The following ADH1C variants were observed in gnomAD, a reference collection of about 807,000 sequenced individuals.
ADH1C encodes the protein alcohol dehydrogenase 1C (class I), gamma polypeptide, also known as alcohol dehydrogenase 1C.
In ADH1C, 26 loss-of-function variants were observed where a neutral mutation model predicts 35.0. The observed-to-expected ratio is 0.74, with a 90% CI of 0.54 to 1.03. ADH1C has a LOEUF of 1.03. ADH1C is among the 50% of genes least tolerant of loss of function. The pLI is 0.00. For missense variants in ADH1C, 413 were observed against 465.4 expected, an observed-to-expected ratio of 0.89 and a Z score of 1.04; for synonymous variants, 170 against 169.3, an observed-to-expected ratio of 1.00 and a Z score of -0.03.
At chr4:99,338,393 TTC>T (rs761738978) in intron 8 of ADH1C, among the ~76,000 whole-genome samples, 20,134 of 72,894 alleles carry the variant, frequency 0.28, 4,654 homozygotes, top group African/African-American at 0.4. Flanking sequence ...GAATACTGTT[TTC>T]TATATATATA....
At chr4:99,348,953 C>T (rs1477986442) in intron 1 of ADH1C, among the ~76,000 whole-genome samples, 23 of 144,180 alleles carry the variant, frequency 1.6e-4, no homozygotes, top group African/African-American at 3.6e-4. Context: ...TCATGTCCTT[C>T]GCCCACTTTT....
intron 8 of ADH1C, among the ~76,000 whole-genome samples, chr4:99,337,364 T>TAGTTCTG (rs1443272484): frequency 1.4e-4 from 21 of 152,144 alleles, no homozygotes; most frequent in African/African-American, 5.1e-4. Context: ...GATAATTTAA[T>TAGTTCTG]AAAGTTAGGA....
chr4:99,338,187 GC>G (rs1397292458), intron 8 of ADH1C, among the ~76,000 whole-genome samples: 1 of 150,736 alleles, frequency 6.6e-6, no homozygotes, highest in African/African-American at 2.4e-5. Flanking sequence ...TTTATTCTTT[GC>G]TTATTGATAA....
At chr4:99,348,987 T>G (rs1734609022) in intron 1 of ADH1C, among the ~76,000 whole-genome samples, 3 of 144,472 alleles carry the variant, frequency 2.1e-5, no homozygotes, top group South Asian at 2.3e-4. Context: ...TGTTTTTTTC[T>G]TGTAAATTTG....
In ADH1C at chr4:99,343,063, T is replaced by G; in HGVS notation, c.568-8A>C. On this transcript the variant is annotated splice_region_variant and splice_polypyrimidine_tract_variant and intron_variant, in intron 5 of 8. Transcript: ENST00000515683. ...GGTAGACCCTGGGGTGACCTATGTT[T>G]TCAGAAAATGCAAAAATGAATTAAA... 6.2e-7 allele frequency: 1 copy of G among 1,606,118 alleles called. No individual in the cohort carries two copies. The highest frequency in any genetic ancestry group is 8.5e-7 in the Non-Finnish European group (1 of 1,176,872).
intron 7 of ADH1C, 41 bp from the exon 8 acceptor site, chr4:99,339,756 A>G: frequency 6.4e-7 from 1 of 1,560,600 alleles, no homozygotes; most frequent in Non-Finnish European, 8.7e-7. Flanking sequence ...CAACCAGGGT[A>G]AGTAGGAGAA....
intron 1 of ADH1C, 36 bp downstream of exon 1, chr4:99,352,622 G>C (rs982236585): frequency 6.5e-7 from 1 of 1,541,402 alleles, no homozygotes; most frequent in East Asian, 2.3e-5. Flanking sequence ...ATATTGAAGA[G>C]AATATATTAT....
At chr4:99,347,936 A>G (rs1240077062) in intron 1 of ADH1C, 90 bp from the exon 2 acceptor site, 4 of 1,439,462 alleles carry the variant, frequency 2.8e-6, no homozygotes, top group African/African-American at 2.8e-5. Context: ...TGCAACATTG[A>G]GTCCCATGTC....
chr4:99,346,132 G>T (rs1192309130), intron 3 of ADH1C, among the ~76,000 whole-genome samples: 2 of 151,982 alleles, frequency 1.3e-5, no homozygotes, highest in African/African-American at 2.4e-5. Flanking sequence ...CGAATCCATT[G>T]GCTAAAGTGA....
chr4:99,349,361 C>T (rs1734618328), intron 1 of ADH1C, among the ~76,000 whole-genome samples: 1 of 151,940 alleles, frequency 6.6e-6, no homozygotes, highest in Non-Finnish European at 1.5e-5. Context: ...GCCAGTTTTC[C>T]CAGCACCATT....
intron 3 of ADH1C, 109 bp downstream of exon 3, chr4:99,346,897 G>T (rs148796137): frequency 2.0e-6 from 3 of 1,518,592 alleles, no homozygotes; most frequent in Non-Finnish European, 2.6e-6. Flanking sequence ...CAGCTTCCCT[G>T]TGACCTTGTG....
intron 1 of ADH1C, among the ~76,000 whole-genome samples, chr4:99,350,415 C>T (rs1248040836): frequency 6.6e-6 from 1 of 152,164 alleles, no homozygotes; most frequent in African/African-American, 2.4e-5. Flanking sequence ...TTATCCCTAA[C>T]CAAAGTCCTC....
chr4:99,345,336 C>A, intron 3 of ADH1C, 70 bp from the exon 4 acceptor site: 2 of 1,404,382 alleles, frequency 1.4e-6, no homozygotes, highest in Non-Finnish European at 2.0e-6. Context: ...ACTTAACGCT[C>A]ACATGTATAG....
At chr4:99,341,901 C>A (rs1475124905) in intron 6 of ADH1C, among the ~76,000 whole-genome samples, 2 of 151,862 alleles carry the variant, frequency 1.3e-5, no homozygotes, top group Non-Finnish European at 2.9e-5. Context: ...GTACTCAGCA[C>A]TTTCGGAGGC....
At chr4:99,344,499 C>G (rs1185478460) in intron 5 of ADH1C, among the ~76,000 whole-genome samples, 1 of 152,168 alleles carries the variant, frequency 6.6e-6, no homozygotes, top group Non-Finnish European at 1.5e-5. Flanking sequence ...ATTTCATTTA[C>G]TTTTGCTGTC....
intron 2 of ADH1C, 91 bp from the exon 3 acceptor site, chr4:99,347,235 A>G (rs1014891087): frequency 7.8e-5 from 115 of 1,476,416 alleles, no homozygotes; most frequent in Non-Finnish European, 9.9e-5. Context: ...TTGTTATTCA[A>G]AAATATTCTC....
At chr4:99,350,014 C>T (rs572668704) in intron 1 of ADH1C, among the ~76,000 whole-genome samples, 3 of 152,256 alleles carry the variant, frequency 2.0e-5, no homozygotes, top group Admixed American at 6.5e-5. Context: ...TCTTTCTTTA[C>T]AGAATCAACA....
In ADH1C at chr4:99,338,989, A is replaced by G. The variant is rs926431764; in HGVS notation, c.1103+588T>C. 4.6e-5 allele frequency among the ~76,000 whole-genome samples: 7 copies of G among 152,124 alleles called. No homozygotes were observed. In the East Asian group the frequency reaches 1.2e-3, roughly 25 times the overall value. The stretch of plus-strand genomic sequence containing the variant: ...CTAAGACTTGGAGAAAATGTAAGAC[A>G]AATATTTAAAATAGGGTTTAGTACC... On this transcript the variant is annotated intron_variant, in intron 8 of 8. Coordinates refer to ENST00000515683, the MANE Select transcript of ADH1C (RefSeq NM_000669.5).
At chr4:99,350,441 C>A (rs1196081495) in intron 1 of ADH1C, among the ~76,000 whole-genome samples, 2 of 152,066 alleles carry the variant, frequency 1.3e-5, no homozygotes, top group Non-Finnish European at 2.9e-5. Flanking sequence ...CATTCTTATG[C>A]CTTTGTATCC....
Sources: gnomAD v4.1 joint callset for allele counts (sites outside exome capture counted in the v4.1 genomes callset) on GRCh38, gnomAD v4.1.1 for gene constraint, MANE v1.5 for transcripts, NCBI Gene and HGNC (gene_info 2026-07-23, HGNC 2026-07-21) for gene names.